The following VRK1 variants were observed in gnomAD, a reference collection of about 807,000 sequenced individuals.
The protein encoded by VRK1 is serine/threonine-protein kinase VRK1.
In VRK1, 33 loss-of-function variants were observed where a neutral mutation model predicts 57.1. The ratio of observed to expected loss-of-function variants is 0.58; its 90% CI spans 0.44 to 0.77. The LOEUF is 0.77. VRK1 is among the 30% of genes least tolerant of loss of function. The probability of loss-of-function intolerance (pLI) is 0.00; values close to 1 mark genes in which losing one functional copy is unlikely to be tolerated. For synonymous variants in VRK1, 137 were observed against 147.8 expected (o/e 0.93, Z 0.53); for missense variants, 413 against 477.3 (o/e 0.87, Z 1.25).
intron 1 of VRK1, among the ~76,000 whole-genome samples, chr14:96,800,933 A>G (rs1425517840): frequency 6.6e-6 from 1 of 152,138 alleles, no homozygotes; most frequent in African/African-American, 2.4e-5. Flanking sequence ...CAAATATCAT[A>G]CTGATAATGG....
chr14:96,815,759 A>G (rs1886368275), intron 1 of VRK1, among the ~76,000 whole-genome samples: 2 of 151,608 alleles, frequency 1.3e-5, no homozygotes, highest in Admixed American at 6.6e-5. Context: ...ATTCGTGGGC[A>G]TGGTGGCACT....
intron 11 of VRK1, among the ~76,000 whole-genome samples, chr14:96,869,895 C>T (rs770729355): frequency 2.2e-4 from 33 of 152,048 alleles, no homozygotes; most frequent in African/African-American, 8.0e-4. Flanking sequence ...TTCTGTAATA[C>T]GCTTGTTCAT....
At chr14:96,825,022 A>T (rs1311680060) in intron 1 of VRK1, among the ~76,000 whole-genome samples, 2 of 152,190 alleles carry the variant, frequency 1.3e-5, no homozygotes, top group African/African-American at 4.8e-5. Context: ...GATCTAGTTG[A>T]GGGAGACATT....
At chr14:96,867,456 AGT>A (rs34415863) in intron 11 of VRK1, among the ~76,000 whole-genome samples, 7,439 of 148,322 alleles carry the variant, frequency 0.05, 204 homozygotes, top group African/African-American at 0.078. Context: ...TCTGTGCACA[AGT>A]GTGTGTGTGT....
intron 2 of VRK1, among the ~76,000 whole-genome samples, chr14:96,834,943 C>A (rs998971261): frequency 6.6e-6 from 1 of 152,088 alleles, no homozygotes; most frequent in Non-Finnish European, 1.5e-5. Flanking sequence ...AAACCTGTCT[C>A]TAAAAAAATA....
chr14:96,854,596 A>G (rs1006431531), intron 7 of VRK1, among the ~76,000 whole-genome samples: 1 of 152,178 alleles, frequency 6.6e-6, no homozygotes. Flanking sequence ...GTATGTATAT[A>G]ATATTAAAAT....
chr14:96,808,731 AGTTT>A (rs1411719413), intron 1 of VRK1, among the ~76,000 whole-genome samples: 1 of 144,586 alleles, frequency 6.9e-6, no homozygotes, highest in Non-Finnish European at 1.5e-5. Flanking sequence ...TGTTGCATGT[AGTTT>A]GTTATTTTTA....
chr14:96,874,142 G>A (rs1888933323), intron 11 of VRK1, among the ~76,000 whole-genome samples: 2 of 152,320 alleles, frequency 1.3e-5, no homozygotes, highest in South Asian at 2.1e-4. Context: ...ACTGGGAAAT[G>A]CATTCTCTGC....
At chr14:96,808,007 C>CTCCG (rs1422189548) in intron 1 of VRK1, among the ~76,000 whole-genome samples, 25 of 118,286 alleles carry the variant, frequency 2.1e-4, no homozygotes, top group African/African-American at 8.1e-4. Flanking sequence ...CTCTCCCTCT[C>CTCCG]TCTCTCCCTC....
At chr14:96,815,523 A>T (rs1037829329) in intron 1 of VRK1, among the ~76,000 whole-genome samples, 3 of 152,098 alleles carry the variant, frequency 2.0e-5, no homozygotes, top group African/African-American at 7.2e-5. Context: ...CATTTTTAAA[A>T]CTTAAAGAGG....
intron 3 of VRK1, among the ~76,000 whole-genome samples, chr14:96,840,315 C>G (rs1887404405): frequency 6.6e-6 from 1 of 152,120 alleles, no homozygotes; most frequent in African/African-American, 2.4e-5. Flanking sequence ...GTTTTTAAGT[C>G]TGTTTTTATC....
rs147712568 is a variant in VRK1, at chr14:96,863,222, G to T, written c.1068+2487G>T. Reference sequence around the variant, plus strand: ...TACATCTGCCCTTAAAAAGTACAAAGTCAAATATTTTTATTGTTGATTAGA... The same window carrying T: ...TACATCTGCCCTTAAAAAGTACAAATTCAAATATTTTTATTGTTGATTAGA... On this transcript the variant is annotated intron_variant, in intron 11 of 12. Coordinates refer to ENST00000216639, the MANE Select transcript of VRK1 (RefSeq NM_003384.3). Among the ~76,000 whole-genome samples the T allele has an allele frequency of 2.0e-5, 3 of 152,298 alleles. No homozygotes were observed. The East Asian group carries it at 5.8e-4, about 29-fold the overall frequency.
At chr14:96,869,648 A>G (rs148984638) in intron 11 of VRK1, among the ~76,000 whole-genome samples, 2 of 152,334 alleles carry the variant, frequency 1.3e-5, no homozygotes, top group East Asian at 1.9e-4. Flanking sequence ...ACCTTTTAAG[A>G]ACATATAAGT....
At chr14:96,859,204 T>C (rs915425667) in intron 10 of VRK1, among the ~76,000 whole-genome samples, 1 of 152,188 alleles carries the variant, frequency 6.6e-6, no homozygotes, top group African/African-American at 2.4e-5. Flanking sequence ...AGAAATAAGA[T>C]AGATTTTTAT....
At chr14:96,839,023 A>C (rs572718432) in intron 3 of VRK1, among the ~76,000 whole-genome samples, 13 of 148,928 alleles carry the variant, frequency 8.7e-5, no homozygotes, top group African/African-American at 3.2e-4. Flanking sequence ...AAGATTCCTT[A>C]TGTTCTTATT....
At chr14:96,816,209 G>A (rs79123553) in intron 1 of VRK1, among the ~76,000 whole-genome samples, 1,621 of 152,272 alleles carry the variant, frequency 0.011, 24 homozygotes, top group South Asian at 0.055. Flanking sequence ...GGTAGGCCAT[G>A]TTCTCCTACT....
At position 96,853,053 on chromosome 14, in the gene VRK1, T is replaced by C. The variant is rs767982025; in HGVS notation, c.484-21T>C. ...TGGTGTTAGGTACTGCATTAACTTA[T>C]TCTGTATGATACTTTCATAGCTGGA... is the stretch of plus-strand genomic sequence containing the variant. On this transcript the variant is annotated intron_variant, in intron 6 of 12. Coordinates refer to ENST00000216639, the MANE Select transcript of VRK1 (RefSeq NM_003384.3). 52 of 1,612,950 alleles carry C rather than the reference T, an allele frequency of 3.2e-5. 1 individual carries two copies. In the South Asian group the frequency reaches 4.4e-4, roughly 14 times the overall value.
chr14:96,824,227 T>C (rs1206591057), intron 1 of VRK1, among the ~76,000 whole-genome samples: 1 of 152,192 alleles, frequency 6.6e-6, no homozygotes, highest in Non-Finnish European at 1.5e-5. Flanking sequence ...TGGAAAACTG[T>C]ATATGATAAA....
At chr14:96,835,561 A>G (rs1281794533) in intron 2 of VRK1, among the ~76,000 whole-genome samples, 1 of 152,156 alleles carries the variant, frequency 6.6e-6, no homozygotes, top group Non-Finnish European at 1.5e-5. Flanking sequence ...GCCTGTAGCC[A>G]CTGGCCTATA....
Sources: allele counts gnomAD v4.1 joint callset (sites outside exome capture counted in the v4.1 genomes callset), GRCh38; gene constraint gnomAD v4.1.1; transcripts MANE v1.5; gene names NCBI Gene and HGNC (gene_info 2026-07-23, HGNC 2026-07-21).